The following IL17RD variants were observed in gnomAD, a reference collection of about 807,000 sequenced individuals.
The protein encoded by IL17RD is interleukin-17 receptor D.
Under a neutral mutation model 80.5 loss-of-function variants are expected in IL17RD, and 52 were observed. The ratio of observed to expected loss-of-function variants is 0.65; its 90% CI spans 0.52 to 0.81. IL17RD has a LOEUF of 0.81. IL17RD is among the 40% of genes least tolerant of loss of function. The pLI, the probability that IL17RD is intolerant of heterozygous loss-of-function variation, is 0.00. For missense variants in IL17RD, 1,024 were observed against 955.1 expected, an observed-to-expected ratio of 1.07 and a Z score of -0.95; for synonymous variants, 416 against 391.8, an observed-to-expected ratio of 1.06 and a Z score of -0.73.
upstream of IL17RD, among the ~76,000 whole-genome samples, chr3:57,169,744 CCA>C (rs1263641883): frequency 6.6e-6 from 1 of 152,152 alleles, no homozygotes; most frequent in Admixed American, 6.5e-5. Flanking sequence ...ACCCCTGACC[CCA>C]GTCTCCCAGA....
At chr3:57,123,465 C>G (rs988366712) in intron 1 of IL17RD, among the ~76,000 whole-genome samples, 4 of 152,196 alleles carry the variant, frequency 2.6e-5, no homozygotes, top group African/African-American at 4.8e-5. Flanking sequence ...TCAGAATCCC[C>G]TCCTCTTCTC....
Position 57,110,224 on chromosome 3 carries a change from G to T in IL17RD, c.398C>A (p.Pro133Gln). 1 of 1,605,490 alleles carries T rather than the reference G, an allele frequency of 6.2e-7. No homozygotes were observed. The highest frequency in any genetic ancestry group is 2.2e-5 in the East Asian group (1 of 44,736). Residue 133 changes from proline to glutamine, a missense_variant, in exon 4 of 13, where the codon CCG becomes CAG. Pro to Gln is a moderately conservative substitution (Grantham distance 76). Transcript: ENST00000296318. ...RQCQQLILKD[P>Q]KQLNSSFKRT... ...TTTGAAGCTACTGTTGAGCTGCTTCGGATCCTTTAGAATCAGTTGTTGGCA... is the reference window on the plus strand; with the variant it reads ...TTTGAAGCTACTGTTGAGCTGCTTCTGATCCTTTAGAATCAGTTGTTGGCA...
chr3:57,097,093 TG>T (rs1428875380), intron 12 of IL17RD, among the ~76,000 whole-genome samples: 1 of 151,944 alleles, frequency 6.6e-6, no homozygotes, highest in Non-Finnish European at 1.5e-5. Flanking sequence ...GGCATCTACC[TG>T]ATGCTCCCTG....
At chr3:57,109,704 C>T in intron 4 of IL17RD, 47 bp from the exon 5 acceptor site, 1 of 1,589,658 alleles carries the variant, frequency 6.3e-7, no homozygotes, top group South Asian at 1.1e-5. Flanking sequence ...AATTACCCAC[C>T]CCTCCACCTT....
chr3:57,099,436 A>G (rs1222571645), intron 11 of IL17RD, among the ~76,000 whole-genome samples: 1 of 152,176 alleles, frequency 6.6e-6, no homozygotes, highest in African/African-American at 2.4e-5. Context: ...TCTCTTGGTT[A>G]TTGTGTTGAT....
At chr3:57,097,526 G>A (rs1706707032) in intron 12 of IL17RD, 70 bp downstream of exon 12, 10 of 1,266,054 alleles carry the variant, frequency 7.9e-6, no homozygotes, top group African/African-American at 3.0e-5. Flanking sequence ...GTGGAAAAAC[G>A]CTTTGACTGA....
Position 57,098,042 on chromosome 3 carries a change from T to C in IL17RD, c.1661A>G (p.Asp554Gly), listed in dbSNP as rs1355299778. Residue 554 changes from aspartate (D) to glycine (G), a missense_variant, in exon 12 of 13, where the codon GAC becomes GGC. Asp to Gly is a moderately conservative substitution (Grantham distance 94). Coordinates refer to ENST00000296318, the MANE Select transcript of IL17RD (RefSeq NM_017563.5). ...CTTTTCGAACCAGTCGGGCTCCTCG[T>C]CAATAAACTGGTGCATGTTGCAAAT... ...VAICNMHQFIDEEPDWFEKQF... is the reference protein window; with the variant it reads ...VAICNMHQFIGEEPDWFEKQF... 1 of 1,613,994 alleles carries C rather than the reference T, an allele frequency of 6.2e-7. No homozygotes were observed.
At chr3:57,164,605 G>A (rs546046264) in intron 1 of IL17RD, among the ~76,000 whole-genome samples, 3 of 152,310 alleles carry the variant, frequency 2.0e-5, no homozygotes, top group African/African-American at 7.2e-5. Flanking sequence ...CGGAGTCAGA[G>A]GAGGGGTAGG....
chr3:57,096,711 TA>T (rs1044425442), intron 12 of IL17RD, among the ~76,000 whole-genome samples: 1 of 152,110 alleles, frequency 6.6e-6, no homozygotes, highest in African/African-American at 2.4e-5. Flanking sequence ...AGATATTTCT[TA>T]AAAGTCAAGC....
At chr3:57,165,478 C>T, upstream of IL17RD, 1 of 308,850 alleles carries the variant, frequency 3.2e-6, no homozygotes, top group East Asian at 8.5e-5. Flanking sequence ...CCTGGCCCTC[C>T]AGTTGTGGCC....
intron 3 of IL17RD, 38 bp downstream of exon 3, chr3:57,114,654 C>T: frequency 6.4e-7 from 1 of 1,561,486 alleles, no homozygotes. Flanking sequence ...CCCTATCCAC[C>T]CAGGTTATCA....
At chr3:57,116,890 T>TAAAAAAAA (rs35526728) in intron 2 of IL17RD, among the ~76,000 whole-genome samples, 1 of 136,388 alleles carries the variant, frequency 7.3e-6, no homozygotes. Context: ...CCCAAAATAT[T>TAAAAAAAA]AAAAAAAAAA....
chr3:57,109,843 A>T (rs1398551580), intron 4 of IL17RD, among the ~76,000 whole-genome samples, 186 bp from the exon 5 acceptor site: 1 of 152,212 alleles, frequency 6.6e-6, no homozygotes, highest in East Asian at 1.9e-4. Flanking sequence ...CTTAACCATG[A>T]AGATGGACAA....
intron 3 of IL17RD, among the ~76,000 whole-genome samples, chr3:57,113,386 C>A (rs1255128957): frequency 6.6e-6 from 1 of 152,020 alleles, no homozygotes; most frequent in Non-Finnish European, 1.5e-5. Flanking sequence ...TACAGGCATG[C>A]GACACCACAC....
At chr3:57,120,141 C>A in intron 2 of IL17RD, 115 bp downstream of exon 2, 1 of 799,954 alleles carries the variant, frequency 1.3e-6, no homozygotes, top group South Asian at 1.5e-5. Context: ...CAAACCTGAA[C>A]AGGTTCAGAA....
intron 9 of IL17RD, 34 bp from the exon 10 acceptor site, chr3:57,102,623 A>G: frequency 2.6e-6 from 3 of 1,140,146 alleles, no homozygotes; most frequent in Non-Finnish European, 3.9e-6. Context: ...TTTTAAACTT[A>G]AGCAGTGTAA....
intron 1 of IL17RD, among the ~76,000 whole-genome samples, chr3:57,160,114 G>T (rs1390954360): frequency 6.6e-6 from 1 of 152,158 alleles, no homozygotes. Flanking sequence ...GGAGATTGCA[G>T]TGAGCTGAGA....
intron 1 of IL17RD, among the ~76,000 whole-genome samples, chr3:57,136,590 G>A (rs765771972): frequency 1.8e-4 from 27 of 149,456 alleles, no homozygotes; most frequent in Admixed American, 8.1e-4. Context: ...ACTCCAGCCT[G>A]GGAAACAGAG....
At position 57,102,948 on chromosome 3, in the gene IL17RD, AG is replaced by A. The variant is rs1195987057; in HGVS notation, c.868+142del. 8 of 628,740 alleles carry A rather than the reference AG, an allele frequency of 1.3e-5. No individual in the cohort carries two copies. In the East Asian group the frequency reaches 1.9e-4, roughly 15 times the overall value. The allele number at this position is 628,740 out of a possible 1,614,324, so 38.9% of individuals were successfully genotyped here. On this transcript the variant is annotated intron_variant, in intron 9 of 12. Coordinates refer to ENST00000296318, the MANE Select transcript of IL17RD (RefSeq NM_017563.5). ...TCCAGGTTATAAACATTAGAATGGA[AG>A]AAAAGTCAGATTTGATGGAACATCA...
Sources: gnomAD v4.1 joint callset for allele counts (sites outside exome capture counted in the v4.1 genomes callset) on GRCh38, gnomAD v4.1.1 for gene constraint, MANE v1.5 for transcripts, NCBI Gene and HGNC (gene_info 2026-07-23, HGNC 2026-07-21) for gene names.